The following TOPAZ1 variants were observed in gnomAD, a reference collection of about 807,000 sequenced individuals.
TOPAZ1 encodes protein TOPAZ1.
TOPAZ1 carries 66 observed loss-of-function variants against 172.2 expected under a neutral mutation model. The ratio of observed to expected loss-of-function variants is 0.38; its 90% CI spans 0.31 to 0.47. The LOEUF (loss-of-function observed/expected upper bound fraction) is 0.47, where lower values mean the gene tolerates loss of function less well. Ranked by LOEUF, TOPAZ1 falls within the 20% of genes least tolerant of loss-of-function variation. The probability of loss-of-function intolerance (pLI) is 0.99; values close to 1 mark genes in which losing one functional copy is unlikely to be tolerated. For missense variants in TOPAZ1, 1,822 were observed against 1,972.4 expected (o/e 0.92, Z 1.44); for synonymous variants, 681 against 683.9 (o/e 1.00, Z 0.07).
Position 44,242,336 on chromosome 3 carries a change from T to TCAGACCCGC in TOPAZ1, c.284_292dup (p.Pro97_Arg98insProAspPro), listed in dbSNP as rs752298487. ...GGGCCCGGTGAGCCCGTCAGACTCG[T>TCAGACCCGC]CAGACCCGCGAGGCCTAGAAGCAGC... On this transcript the variant is annotated inframe_insertion, in exon 1 of 20. Transcript: ENST00000309765. 128 of 1,552,284 alleles carry TCAGACCCGC rather than the reference T, an allele frequency of 8.2e-5. No homozygotes were observed. In the East Asian group the frequency reaches 2.0e-3, roughly 24 times the overall value.
chr3:44,329,716 A>G (rs1307216677), intron 19 of TOPAZ1, among the ~76,000 whole-genome samples: 1 of 152,116 alleles, frequency 6.6e-6, no homozygotes, highest in African/African-American at 2.4e-5. Flanking sequence ...TCTTGCTCCT[A>G]AGTCCCATAG....
At chr3:44,313,605 G>C (rs1379445895) in intron 16 of TOPAZ1, among the ~76,000 whole-genome samples, 9 of 140,536 alleles carry the variant, frequency 6.4e-5, no homozygotes, top group African/African-American at 2.5e-4. Flanking sequence ...GCAACAAAGC[G>C]AGACTCTGTC....
chr3:44,244,561 T>C lies in TOPAZ1; in HGVS notation c.2055T>C (p.Thr685=). ...LVKILNTGRL[T]NFKIPLLKNK... ...AAATATTGAACACAGGACGGCTGAC[T>C]AATTTTAAAATTCCTTTACTTAAGA... The change falls in exon 2 of 20, where the codon ACT becomes ACC. Residue 685 remains threonine, a synonymous_variant. Transcript: ENST00000309765. 6.5e-7 allele frequency: 1 copy of C among 1,549,520 alleles called. No homozygotes were observed. Among genetic ancestry groups the C allele is most frequent in the Non-Finnish European group, 8.7e-7 (1 of 1,146,548 alleles).
intron 9 of TOPAZ1, among the ~76,000 whole-genome samples, chr3:44,283,466 G>A (rs1293812294): frequency 6.6e-6 from 1 of 152,188 alleles, no homozygotes; most frequent in African/African-American, 2.4e-5. Context: ...CTACAGAGAG[G>A]CCTCAGGAAC....
At chr3:44,304,962 G>A (rs535151372) in intron 13 of TOPAZ1, among the ~76,000 whole-genome samples, 185 bp from the exon 14 acceptor site, 3 of 152,154 alleles carry the variant, frequency 2.0e-5, no homozygotes, top group Non-Finnish European at 4.4e-5. Flanking sequence ...AGCCAGAAAA[G>A]CAAAGTTACA....
rs1404468521 is a variant in TOPAZ1, at chr3:44,250,136, TGTC to T, written c.2766-4831_2766-4829del. Among the ~76,000 whole-genome samples the T allele has an allele frequency of 4.6e-5, 7 of 152,082 alleles. No homozygotes were observed. The South Asian group carries it at 1.2e-3, about 27-fold the overall frequency. Reference sequence around the variant, plus strand: ...GATCTATGCCGGGCAAATTATATCCTGTCTCAAGTAACTTACTTTCTCAGAGTC... The same window carrying T: ...GATCTATGCCGGGCAAATTATATCCTTCAAGTAACTTACTTTCTCAGAGTC... On this transcript the variant is annotated intron_variant, in intron 2 of 19. Coordinates refer to ENST00000309765, the MANE Select transcript of TOPAZ1 (RefSeq NM_001145030.2).
chr3:44,324,548 T>C (rs1700576062), intron 18 of TOPAZ1, among the ~76,000 whole-genome samples: 1 of 152,102 alleles, frequency 6.6e-6, no homozygotes, highest in Admixed American at 6.5e-5. Flanking sequence ...AGCTCAGACA[T>C]TTAAATGAGA....
intron 9 of TOPAZ1, among the ~76,000 whole-genome samples, chr3:44,284,685 C>T (rs1700059046): frequency 6.6e-6 from 1 of 152,164 alleles, no homozygotes; most frequent in Non-Finnish European, 1.5e-5. Context: ...TGAATTTCCA[C>T]ATAAAATTTC....
At chr3:44,308,253 A>G (rs1360565606) in intron 15 of TOPAZ1, among the ~76,000 whole-genome samples, 27 of 151,562 alleles carry the variant, frequency 1.8e-4, no homozygotes, top group Non-Finnish European at 1.0e-4. Flanking sequence ...ACAAGACTCC[A>G]TCTCTTAATG....
chr3:44,313,728 T>C (rs1201833548), intron 16 of TOPAZ1, among the ~76,000 whole-genome samples: 1 of 152,156 alleles, frequency 6.6e-6, no homozygotes, highest in Non-Finnish European at 1.5e-5. Flanking sequence ...GGTGCAGATG[T>C]TAGTTAACAA....
rs1230275876 is a variant in TOPAZ1 at position 44,289,934 on chromosome 3, A to T, written c.3682-837A>T. 3.3e-5 allele frequency among the ~76,000 whole-genome samples: 5 copies of T among 152,228 alleles called. No individual in the cohort carries two copies. The South Asian group carries it at 1.0e-3, about 32-fold the overall frequency. Reference sequence around the variant, plus strand: ...GAACCAAATAAAATTCTCAGCAAAAATATTGCTCAGAGAATTTCAAACACC... The same window carrying T: ...GAACCAAATAAAATTCTCAGCAAAATTATTGCTCAGAGAATTTCAAACACC... On this transcript the variant is annotated intron_variant, in intron 11 of 19. Transcript: ENST00000309765.
At chr3:44,271,158 G>T (rs1699892484) in intron 8 of TOPAZ1, among the ~76,000 whole-genome samples, 1 of 152,106 alleles carries the variant, frequency 6.6e-6, no homozygotes, top group South Asian at 2.1e-4. Context: ...GTTCTGATAG[G>T]TTATACTTAA....
intron 16 of TOPAZ1, among the ~76,000 whole-genome samples, chr3:44,318,635 C>G (rs1475794251): frequency 2.0e-5 from 3 of 151,766 alleles, no homozygotes; most frequent in Non-Finnish European, 2.9e-5. Flanking sequence ...GTCTGTTATT[C>G]TGAGGGTCCT....
intron 5 of TOPAZ1, among the ~76,000 whole-genome samples, chr3:44,263,355 T>C (rs1177186064): frequency 6.6e-6 from 1 of 152,230 alleles, no homozygotes; most frequent in Non-Finnish European, 1.5e-5. Flanking sequence ...CTGCAAAGGT[T>C]TATCAACTTG....
At chr3:44,309,581 G>C (rs939864871) in intron 15 of TOPAZ1, among the ~76,000 whole-genome samples, 1 of 152,162 alleles carries the variant, frequency 6.6e-6, no homozygotes, top group African/African-American at 2.4e-5. Flanking sequence ...TCTGATAAAG[G>C]GGGTCTGGTG....
At chr3:44,328,212 G>T in intron 18 of TOPAZ1, 38 bp from the exon 19 acceptor site, 1 of 1,359,482 alleles carries the variant, frequency 7.4e-7, no homozygotes, top group Admixed American at 3.6e-5. Flanking sequence ...TTACCTATTG[G>T]GTTTTAGTAA....
Position 44,323,405 on chromosome 3 carries a change from A to G in TOPAZ1, c.4675+110A>G, listed in dbSNP as rs964130511. On this transcript the variant is annotated intron_variant, in intron 18 of 19. Transcript: ENST00000309765. The stretch of plus-strand genomic sequence containing the variant: ...TTATATGTATTAAAAGAGCAGTAAT[A>G]CATATTCAAATGTAGTGGTCTCAAC... 12 of 628,096 alleles carry G rather than the reference A, an allele frequency of 1.9e-5. No homozygotes were observed. In the African/African-American group the frequency reaches 2.1e-4, roughly 11 times the overall value. 38.9% of individuals were successfully genotyped at this position (628,096 alleles called of 1,614,324 possible).
chr3:44,298,071 A>G (rs9829316), intron 12 of TOPAZ1, among the ~76,000 whole-genome samples: 1,553 of 152,312 alleles, frequency 0.01, 25 homozygotes, highest in African/African-American at 0.036. Flanking sequence ...CTCAATTCCT[A>G]TCAGAATCCC....
At chr3:44,326,724 T>C (rs1700604398) in intron 18 of TOPAZ1, among the ~76,000 whole-genome samples, 1 of 152,142 alleles carries the variant, frequency 6.6e-6, no homozygotes. Context: ...CCTGATTTGT[T>C]CTCCTTTGTC....
Sources: gnomAD v4.1 joint callset for allele counts (sites outside exome capture counted in the v4.1 genomes callset) on GRCh38, gnomAD v4.1.1 for gene constraint, MANE v1.5 for transcripts, NCBI Gene and HGNC (gene_info 2026-07-23, HGNC 2026-07-21) for gene names.